Variants in DISC1 observed in about 807,000 individuals in gnomAD.
DISC1 encodes DISC1 scaffold protein, also known as disrupted in schizophrenia 1 protein.
A neutral mutation model predicts 84.5 loss-of-function variants in DISC1; 57 were observed. The observed-to-expected ratio is 0.67, with a 90% CI of 0.55 to 0.84. The LOEUF is 0.84. DISC1 is among the 40% of genes least tolerant of loss of function. DISC1 has a pLI of 0.00. For synonymous variants in DISC1, 411 were observed against 415.2 expected (o/e 0.99, Z 0.12); for missense variants, 1,000 against 1,057.8 (o/e 0.95, Z 0.76).
At chr1:231,822,531 AC>A (rs2081568111) in intron 9 of DISC1, among the ~76,000 whole-genome samples, 1 of 152,154 alleles carries the variant, frequency 6.6e-6, no homozygotes, top group East Asian at 1.9e-4. Context: ...TGGGATTAGG[AC>A]CTTTTGCTTT....
intron 1 of DISC1, among the ~76,000 whole-genome samples, chr1:231,682,685 T>C (rs2063809966): frequency 6.6e-6 from 1 of 152,252 alleles, no homozygotes; most frequent in Non-Finnish European, 1.5e-5. Flanking sequence ...AGAATAATTA[T>C]AGATTTATCG....
At chr1:231,774,668 G>T (rs567019998) in intron 6 of DISC1, 2 of 455,856 alleles carry the variant, frequency 4.4e-6, no homozygotes, top group South Asian at 1.5e-5. Flanking sequence ...GCTCCCTGCC[G>T]TAACCATCAA....
At chr1:232,019,171 G>T (rs1668731666) in intron 11 of DISC1, among the ~76,000 whole-genome samples, 1 of 152,174 alleles carries the variant, frequency 6.6e-6, no homozygotes, top group South Asian at 2.1e-4. Flanking sequence ...CTACCCAGAA[G>T]TAGGCAGGGT....
chr1:231,745,834 T>G (rs572878836), intron 3 of DISC1, among the ~76,000 whole-genome samples: 1 of 152,282 alleles, frequency 6.6e-6, no homozygotes, highest in South Asian at 2.1e-4. Flanking sequence ...GAGATGGGCC[T>G]GGTGGGAGGT....
intron 3 of DISC1, among the ~76,000 whole-genome samples, chr1:231,709,341 G>A (rs1172924935): frequency 6.6e-6 from 1 of 152,066 alleles, no homozygotes; most frequent in Non-Finnish European, 1.5e-5. Context: ...CTCATTCACA[G>A]CATAAAATGT....
At chr1:231,868,930 G>A (rs1409295397) in intron 9 of DISC1, among the ~76,000 whole-genome samples, 3 of 149,752 alleles carry the variant, frequency 2.0e-5, no homozygotes, top group Admixed American at 6.6e-5. Context: ...ATACATTTTT[G>A]AGAGGAGCAA....
intron 6 of DISC1, among the ~76,000 whole-genome samples, chr1:231,781,574 C>T (rs796708255): frequency 2.6e-4 from 40 of 152,268 alleles, no homozygotes; most frequent in African/African-American, 9.6e-4. Flanking sequence ...AGCATGTGAC[C>T]TATTTTAAGT....
At chr1:231,825,318 A>G (rs1306250123) in intron 9 of DISC1, among the ~76,000 whole-genome samples, 2 of 152,216 alleles carry the variant, frequency 1.3e-5, no homozygotes, top group East Asian at 3.9e-4. Flanking sequence ...TAATTCATTT[A>G]GAGCAGAAAC....
chr1:231,875,685 A>C (rs1209360350), intron 9 of DISC1, among the ~76,000 whole-genome samples: 2 of 152,198 alleles, frequency 1.3e-5, no homozygotes, highest in African/African-American at 4.8e-5. Flanking sequence ...TGAATTACCA[A>C]GTACAAGGCT....
At chr1:231,820,075 C>G (rs1395423596) in intron 9 of DISC1, among the ~76,000 whole-genome samples, 1 of 152,168 alleles carries the variant, frequency 6.6e-6, no homozygotes, top group East Asian at 1.9e-4. Context: ...GCAGATGGCT[C>G]ATTACTGTTG....
chr1:231,901,425 C>T (rs1412244942), intron 9 of DISC1, among the ~76,000 whole-genome samples: 4 of 152,198 alleles, frequency 2.6e-5, no homozygotes, highest in African/African-American at 9.7e-5. Flanking sequence ...ATGGCAAATG[C>T]AGGCTTTGCA....
intron 10 of DISC1, among the ~76,000 whole-genome samples, chr1:231,986,327 G>A (rs1664432957): frequency 6.6e-6 from 1 of 152,206 alleles, no homozygotes; most frequent in Non-Finnish European, 1.5e-5. Context: ...TTCAATGGAT[G>A]CATAAGGCAG....
intron 11 of DISC1, among the ~76,000 whole-genome samples, chr1:232,020,485 C>T (rs2103027307): frequency 6.6e-6 from 1 of 152,306 alleles, no homozygotes; most frequent in African/African-American, 2.4e-5. Flanking sequence ...TTAAGATTCT[C>T]AGGGAAGGTT....
chr1:231,726,069 C>T (rs1394340472), intron 3 of DISC1, among the ~76,000 whole-genome samples: 1 of 152,014 alleles, frequency 6.6e-6, no homozygotes, highest in East Asian at 1.9e-4. Flanking sequence ...CTACAGAGGT[C>T]CAGCCTCAGC....
At chr1:231,902,714 T>G (rs181437432) in intron 9 of DISC1, among the ~76,000 whole-genome samples, 2 of 152,282 alleles carry the variant, frequency 1.3e-5, no homozygotes. Context: ...AATCGAGGTG[T>G]TGTTAGAGCG....
intron 9 of DISC1, among the ~76,000 whole-genome samples, chr1:231,891,685 T>C (rs2087229922): frequency 6.6e-6 from 1 of 152,040 alleles, no homozygotes; most frequent in African/African-American, 2.4e-5. Context: ...AGAGGAGTTG[T>C]TGGGTGGTGT....
intron 1 of DISC1, among the ~76,000 whole-genome samples, chr1:231,659,401 AT>A (rs2061398900): frequency 6.6e-6 from 1 of 151,688 alleles, no homozygotes; most frequent in Non-Finnish European, 1.5e-5. Flanking sequence ...CAAGTGATCT[AT>A]TTTATTATTT....
At chr1:231,747,697 A>T (rs2812382) in intron 3 of DISC1, among the ~76,000 whole-genome samples, 53,520 of 152,066 alleles carry the variant, frequency 0.35, 10,330 homozygotes, top group Admixed American at 0.42. Context: ...TGGTAGTGTG[A>T]TACCTCCAGT....
At chr1:231,891,576 C>A (rs1269436040) in intron 9 of DISC1, among the ~76,000 whole-genome samples, 1 of 152,052 alleles carries the variant, frequency 6.6e-6, no homozygotes, top group East Asian at 1.9e-4. Context: ...TGAATAATTC[C>A]AGTGGGCTCT....
Sources: gnomAD v4.1 joint callset for allele counts (sites outside exome capture counted in the v4.1 genomes callset) on GRCh38, gnomAD v4.1.1 for gene constraint, MANE v1.5 for transcripts, NCBI Gene and HGNC (gene_info 2026-07-23, HGNC 2026-07-21) for gene names.